The following ATP8A2 variants were observed in gnomAD, a reference collection of about 807,000 sequenced individuals.
The protein encoded by ATP8A2 is phospholipid-transporting ATPase IB.
In ATP8A2, 100 loss-of-function variants were observed where a neutral mutation model predicts 165.6. That is an observed-to-expected ratio of 0.60 (90% CI 0.51 to 0.71). ATP8A2 has a LOEUF of 0.71. Ranked by LOEUF, ATP8A2 falls within the 30% of genes least tolerant of loss-of-function variation. ATP8A2 has a pLI of 0.00. For missense variants in ATP8A2, 1,227 were observed against 1,479.5 expected (o/e 0.83, Z 2.80); for synonymous variants, 543 against 548.8 (o/e 0.99, Z 0.15).
chr13:25,602,883 A>C (rs1446093295), intron 24 of ATP8A2, among the ~76,000 whole-genome samples: 1 of 152,006 alleles, frequency 6.6e-6, no homozygotes. Context: ...CAGCCTGGCC[A>C]ATATGGTGAA....
In ATP8A2 at chr13:25,483,910, A is replaced by G. The variant is rs183089786; in HGVS notation, c.221+14789A>G. On this transcript the variant is annotated intron_variant, in intron 2 of 36. Coordinates refer to ENST00000381655, the MANE Select transcript of ATP8A2 (RefSeq NM_016529.6). ...TTTGATAACCAAAACAATCAATTATAAGCTGTAACTCGGGGAAAAGGGAAG... is the reference window on the plus strand; with the variant it reads ...TTTGATAACCAAAACAATCAATTATGAGCTGTAACTCGGGGAAAAGGGAAG... Among the ~76,000 whole-genome samples the G allele has an allele frequency of 3.2e-4, 49 of 152,334 alleles. No homozygotes were observed. The South Asian group carries it at 5.2e-3, about 16-fold the overall frequency.
At chr13:25,518,488 T>G (rs991407826) in intron 2 of ATP8A2, among the ~76,000 whole-genome samples, 1 of 152,354 alleles carries the variant, frequency 6.6e-6, no homozygotes, top group South Asian at 2.1e-4. Context: ...TCTTTACACC[T>G]TAACATGGAT....
At chr13:25,569,405 T>A (rs1301542700) in intron 16 of ATP8A2, among the ~76,000 whole-genome samples, 2 of 152,178 alleles carry the variant, frequency 1.3e-5, no homozygotes, top group Non-Finnish European at 2.9e-5. Context: ...CATTCATTTA[T>A]GACTAAAAAA....
intron 6 of ATP8A2, chr13:25,534,316 C>A: frequency 2.2e-6 from 1 of 449,798 alleles, no homozygotes; most frequent in South Asian, 1.6e-5. Flanking sequence ...GGTTCTTGGT[C>A]AGGAGGTTGG....
chr13:25,944,340 C>T (rs1459008120), intron 33 of ATP8A2: 1 of 152,182 alleles, frequency 6.6e-6, no homozygotes, highest in Non-Finnish European at 1.5e-5. Flanking sequence ...AACCCCGTCT[C>T]TACTAAAAAT....
At chr13:25,735,253 G>A (rs1403207250) in intron 25 of ATP8A2, among the ~76,000 whole-genome samples, 1 of 151,984 alleles carries the variant, frequency 6.6e-6, no homozygotes, top group African/African-American at 2.4e-5. Flanking sequence ...AGAAATAAGG[G>A]TTGGAAGTTT....
At chr13:25,465,669 TTCTTTCTTTC>T (rs2035618175) in intron 1 of ATP8A2, among the ~76,000 whole-genome samples, 1 of 10,356 alleles carries the variant, frequency 9.7e-5, no homozygotes, top group African/African-American at 3.6e-4. Flanking sequence ...AGAGTTTTCT[TTCTTTCTTTC>T]TTTCTTTCTT....
intron 33 of ATP8A2, among the ~76,000 whole-genome samples, chr13:25,868,658 GACAGT>G (rs1405799217): frequency 6.6e-6 from 1 of 152,156 alleles, no homozygotes; most frequent in East Asian, 1.9e-4. Context: ...GCGAAGTTAA[GACAGT>G]ACCGACTTCC....
chr13:25,872,187 T>G (rs1952698334), intron 33 of ATP8A2, among the ~76,000 whole-genome samples: 1 of 152,108 alleles, frequency 6.6e-6, no homozygotes, highest in Non-Finnish European at 1.5e-5. Context: ...GATTCAGGAA[T>G]GCACATGGTG....
Position 25,549,230 on chromosome 13 carries a change from C to T in ATP8A2, c.892-2108C>T, listed in dbSNP as rs1198070646. 3.9e-5 allele frequency among the ~76,000 whole-genome samples: 6 copies of T among 152,114 alleles called. No individual in the cohort carries two copies. In the South Asian group the frequency reaches 6.2e-4, roughly 16 times the overall value. On this transcript the variant is annotated intron_variant, in intron 10 of 36. Transcript: ENST00000381655. ...ATCCCACCACTTTGGGAGGCCAAGA[C>T]GGGCAGATGACAAGGTCAGGAGATT...
intron 1 of ATP8A2, among the ~76,000 whole-genome samples, chr13:25,413,471 G>A (rs1050312746): frequency 1.3e-5 from 2 of 151,600 alleles, no homozygotes; most frequent in East Asian, 1.9e-4. Flanking sequence ...TAGTAGAGAC[G>A]GAGTTTTGCC....
intron 1 of ATP8A2, among the ~76,000 whole-genome samples, chr13:25,403,767 C>T (rs2033712873): frequency 6.6e-6 from 1 of 152,084 alleles, no homozygotes; most frequent in African/African-American, 2.4e-5. Context: ...TTCCTTGGTC[C>T]CTCATTGCAG....
intron 24 of ATP8A2, among the ~76,000 whole-genome samples, chr13:25,647,341 C>T (rs1192619281): frequency 6.6e-6 from 1 of 152,184 alleles, no homozygotes; most frequent in Non-Finnish European, 1.5e-5. Context: ...GTTTCTGCCT[C>T]ATTTTGGAAA....
rs372033100 is a variant in ATP8A2, at chr13:25,532,280, C to T, written c.429C>T (p.His143=). 6.2e-7 allele frequency: 1 copy of T among 1,609,766 alleles called. No homozygotes were observed. Among genetic ancestry groups the T allele is most frequent in the African/African-American group, 1.3e-5 (1 of 74,670 alleles). ...TTTTCTTTCTGTAACAGAAGCGACA[C>T]AAGGCAGACAATGCAGTTAACAAAA... The part of the protein sequence containing the change: ...IKEIVEDFKR[H]KADNAVNKKK... Residue 143 remains histidine, a synonymous_variant, in exon 5 of 37, where the codon CAC becomes CAT. Transcript: ENST00000381655.
chr13:25,910,968 C>G (rs193125926), intron 33 of ATP8A2, among the ~76,000 whole-genome samples: 3 of 148,304 alleles, frequency 2.0e-5, no homozygotes. Flanking sequence ...TGATGCTCCT[C>G]TGTTATTTGG....
At chr13:25,644,581 A>T (rs2041621812) in intron 24 of ATP8A2, among the ~76,000 whole-genome samples, 1 of 151,040 alleles carries the variant, frequency 6.6e-6, no homozygotes, top group Admixed American at 6.6e-5. Context: ...TCATAAAAGG[A>T]TACCTTCCTC....
At chr13:25,665,121 G>A (rs1175476707) in intron 24 of ATP8A2, among the ~76,000 whole-genome samples, 4 of 152,182 alleles carry the variant, frequency 2.6e-5, no homozygotes, top group Admixed American at 2.0e-4. Context: ...TCCCCGGTAG[G>A]CGGAGGTCCC....
At chr13:25,524,332 T>C (rs1235958773) in intron 2 of ATP8A2, among the ~76,000 whole-genome samples, 1 of 152,174 alleles carries the variant, frequency 6.6e-6, no homozygotes, top group African/African-American at 2.4e-5. Flanking sequence ...AAATGCATTC[T>C]GCAGCAGTTG....
intron 1 of ATP8A2, among the ~76,000 whole-genome samples, chr13:25,398,265 T>A (rs2033498024): frequency 6.6e-6 from 1 of 152,222 alleles, no homozygotes. Context: ...CAGAGCAGAC[T>A]GGAGTTGGGG....
Sources: allele counts gnomAD v4.1 joint callset (sites outside exome capture counted in the v4.1 genomes callset), GRCh38; gene constraint gnomAD v4.1.1; transcripts MANE v1.5; gene names NCBI Gene and HGNC (gene_info 2026-07-23, HGNC 2026-07-21).